ANKS6: variants seen among roughly 807,000 people sequenced by gnomAD.
ANKS6 encodes the protein ankyrin repeat and sterile alpha motif domain containing 6, also known as ankyrin repeat and SAM domain-containing protein 6.
ANKS6 carries 47 observed loss-of-function variants against 77.9 expected under a neutral mutation model. That is an observed-to-expected ratio of 0.60 (90% CI 0.48 to 0.77). The LOEUF is 0.77. Ranked by LOEUF, ANKS6 falls within the 30% of genes least tolerant of loss-of-function variation. ANKS6 has a pLI of 0.00. For synonymous variants in ANKS6, 488 were observed against 501.7 expected (o/e 0.97, Z 0.37); for missense variants, 1,150 against 1,159.1 (o/e 0.99, Z 0.11).
chr9:98,774,153 T>G, intron 8 of ANKS6, 73 bp from the exon 9 acceptor site: 1 of 1,305,898 alleles, frequency 7.7e-7, no homozygotes, highest in Non-Finnish European at 9.9e-7. Flanking sequence ...ACTCCATGTT[T>G]TTCCTGCTTC....
chr9:98,772,820 G>A (rs149677798), intron 9 of ANKS6, among the ~76,000 whole-genome samples: 6 of 152,226 alleles, frequency 3.9e-5, no homozygotes, highest in East Asian at 3.9e-4. Context: ...GAGGCCTCCC[G>A]AGTGCCCTAC....
chr9:98,784,305 A>G, intron 3 of ANKS6, 148 bp from the exon 4 acceptor site: 4 of 652,234 alleles, frequency 6.1e-6, no homozygotes, highest in Non-Finnish European at 9.8e-6. Context: ...AGAGGGCGTC[A>G]GAGATAGCCC....
intron 11 of ANKS6, among the ~76,000 whole-genome samples, chr9:98,762,093 A>G (rs1833046968): frequency 6.6e-6 from 1 of 152,166 alleles, no homozygotes; most frequent in Non-Finnish European, 1.5e-5. Flanking sequence ...CACACATATT[A>G]GATTTATACC....
In ANKS6 at chr9:98,773,923, T is replaced by C. The variant is rs377757331; in HGVS notation, c.1775A>G (p.Gln592Arg). 2.1e-5 allele frequency: 33 copies of C among 1,593,296 alleles called. No homozygotes were observed. In the African/African-American group the frequency reaches 3.1e-4, roughly 15 times the overall value. Residue 592 changes from glutamine (Q) to arginine (R), a missense_variant, in exon 9 of 15, where the codon CAG becomes CGG. Physicochemically the swap from Gln to Arg is conservative, Grantham distance 43 (BLOSUM62 1). Coordinates refer to ENST00000353234, the MANE Select transcript of ANKS6 (RefSeq NM_173551.5). ...CACGGGGTGGCCCCTGCTGGCTCTC[T>C]GGGGCAGCGCAGTCTTCATGGGGTC... ...KADPMKTALP[Q>R]RASRGHPVGG... is the part of the protein sequence containing the mutation.
Position 98,735,803 on chromosome 9 carries a change from T to C in ANKS6, c.*716A>G, listed in dbSNP as rs1321369408. ...GCAATAAAGAAAAATGCGTTTGACA[T>C]ACACATCTCCAATGTAAGCTGTATG... On this transcript the variant is annotated 3_prime_UTR_variant, in exon 15 of 15. Coordinates refer to ENST00000353234, the MANE Select transcript of ANKS6 (RefSeq NM_173551.5). 2 of 1,231,722 alleles carry C rather than the reference T, an allele frequency of 1.6e-6. No individual in the cohort carries two copies. The highest frequency in any genetic ancestry group is 6.3e-5 in the East Asian group (2 of 31,714). 76.3% of individuals were successfully genotyped at this position (1,231,722 alleles called of 1,614,324 possible).
intron 10 of ANKS6, 98 bp downstream of exon 10, chr9:98,770,798 T>C: frequency 1.6e-6 from 2 of 1,227,052 alleles, no homozygotes; most frequent in Non-Finnish European, 2.1e-6. Flanking sequence ...TGCGTGGTCA[T>C]TTCTGCGACT....
chr9:98,748,921 T>G (rs1274257262), intron 13 of ANKS6, among the ~76,000 whole-genome samples: 2 of 152,122 alleles, frequency 1.3e-5, no homozygotes, highest in Non-Finnish European at 2.9e-5. Flanking sequence ...TAACTATAAG[T>G]GCATTATTAA....
chr9:98,771,988 AG>A (rs1229350042), intron 9 of ANKS6, among the ~76,000 whole-genome samples: 1 of 152,176 alleles, frequency 6.6e-6, no homozygotes, highest in African/African-American at 2.4e-5. Context: ...CTATATGCCT[AG>A]TACCCAGCTC....
Position 98,773,901 on chromosome 9 carries a change from G to A in ANKS6, c.1797C>T (p.Pro599=), listed in dbSNP as rs538337345. ...ALPQRASRGH[P]VGGGGTDTTP... is the part of the protein sequence containing the mutation. ...CAGTGTCTGTGCCCCCGCCGCCCAC[G>A]GGGTGGCCCCTGCTGGCTCTCTGGG... Residue 599 remains proline (P), a synonymous_variant, in exon 9 of 15, where the codon CCC becomes CCT. Transcript: ENST00000353234. 27 of 1,577,704 alleles carry A rather than the reference G, an allele frequency of 1.7e-5. No homozygotes were observed. The highest frequency in any genetic ancestry group is 2.3e-5 in the South Asian group (2 of 87,072).
intron 13 of ANKS6, 144 bp from the exon 14 acceptor site, chr9:98,745,819 T>C (rs1832097790): frequency 1.5e-6 from 1 of 646,882 alleles, no homozygotes; most frequent in Non-Finnish European, 2.7e-6. Flanking sequence ...CCTGACTTTA[T>C]GTTTAGAGTT....
intron 10 of ANKS6, among the ~76,000 whole-genome samples, chr9:98,769,260 T>C (rs1833496273): frequency 6.6e-6 from 1 of 152,196 alleles, no homozygotes; most frequent in Non-Finnish European, 1.5e-5. Flanking sequence ...GCTGTAAGTA[T>C]TTCACATGTT....
Position 98,756,432 on chromosome 9 carries a change from T to C in ANKS6, c.2314A>G (p.Ile772Val), listed in dbSNP as rs1832708259. The change falls in exon 12 of 15, where the codon ATC becomes GTC. Residue 772 changes from isoleucine to valine, a missense_variant. By Grantham distance (29) the Ile-to-Val change is conservative. Transcript: ENST00000353234. ...TCAGGGGACTCACCCTCATCTGTGATGGTGCCACTGCTGGAGCCCCCACTG... is the reference window on the plus strand; with the variant it reads ...TCAGGGGACTCACCCTCATCTGTGACGGTGCCACTGCTGGAGCCCCCACTG... ...KSSGGSSSGTITDEDELTGIL... is the reference protein window; with the variant it reads ...KSSGGSSSGTVTDEDELTGIL... 3 of 1,613,316 alleles carry C rather than the reference T, an allele frequency of 1.9e-6. No homozygotes were observed. Among genetic ancestry groups the C allele is most frequent in the South Asian group, 2.2e-5 (2 of 91,056 alleles).
intron 2 of ANKS6, among the ~76,000 whole-genome samples, chr9:98,785,098 G>A (rs924122549): frequency 3.3e-5 from 5 of 152,138 alleles, no homozygotes; most frequent in Non-Finnish European, 5.9e-5. Context: ...AACAAAACAC[G>A]AATGAGCAGC....
In ANKS6 at chr9:98,768,252, T is replaced by C. The variant is rs1168931742; in HGVS notation, c.1973-2A>G. ...ACAAGACATTGTCTATGCTGCCACC[T>C]GAGGAAACACAAAATGAGTGAACAC... On this transcript the variant is annotated splice_acceptor_variant, in intron 10 of 14. Coordinates refer to ENST00000353234, the MANE Select transcript of ANKS6 (RefSeq NM_173551.5). LOFTEE classifies it high-confidence loss of function. The C allele has an allele frequency of 2.5e-6, 4 of 1,613,934 alleles. No homozygotes were observed. The highest frequency in any genetic ancestry group is 2.5e-6 in the Non-Finnish European group (3 of 1,180,026).
At position 98,756,455 on chromosome 9, in the gene ANKS6, C is replaced by T; in HGVS notation, c.2291G>A (p.Ser764Asn). The T allele has an allele frequency of 6.2e-7, 1 of 1,613,584 alleles. No homozygotes were observed. Among genetic ancestry groups the T allele is most frequent in the Non-Finnish European group, 8.5e-7 (1 of 1,179,704 alleles). ...GATGGTGCCACTGCTGGAGCCCCCA[C>T]TGCTCTTGGACTGCCGATGGGATGA... ...SSSSHRQSKS[S>N]GGSSSGTITD... is the part of the protein sequence containing the mutation. Residue 764 changes from serine (S) to asparagine (N), a missense_variant, in exon 12 of 15, where the codon AGT becomes AAT. Transcript: ENST00000353234.
rs539854295 is a variant in ANKS6 at position 98,757,161 on chromosome 9, C to T, written c.2143-558G>A. On this transcript the variant is annotated intron_variant, in intron 11 of 14. Coordinates refer to ENST00000353234, the MANE Select transcript of ANKS6 (RefSeq NM_173551.5). The stretch of plus-strand genomic sequence containing the variant: ...TTCCCACATACCCCTCACACAGCTT[C>T]CTGATATTAATATCTACATCGTCAC... Among the ~76,000 whole-genome samples, 3 of 152,328 alleles carry T rather than the reference C, an allele frequency of 2.0e-5. No individual in the cohort carries two copies. The South Asian group carries it at 6.2e-4, about 32-fold the overall frequency.
In ANKS6 at chr9:98,732,903, C is replaced by T. The variant is rs549657744; in HGVS notation, c.*3616G>A. ...CTAGAACTTACACATTACGTGCTGC[C>T]TTTGCACATGCCCCAGCTGGAATGC... is the stretch of plus-strand genomic sequence containing the variant. On this transcript the variant is annotated 3_prime_UTR_variant, in exon 15 of 15. Coordinates refer to ENST00000353234, the MANE Select transcript of ANKS6 (RefSeq NM_173551.5). The T allele has an allele frequency of 2.0e-5, 22 of 1,095,678 alleles. No homozygotes were observed. In the South Asian group the frequency reaches 5.9e-4, roughly 30 times the overall value. 67.9% of individuals were successfully genotyped at this position (1,095,678 alleles called of 1,614,324 possible).
At chr9:98,742,117 CT>C (rs1328962697) in intron 14 of ANKS6, among the ~76,000 whole-genome samples, 1 of 152,224 alleles carries the variant, frequency 6.6e-6, no homozygotes, top group Admixed American at 6.5e-5. Flanking sequence ...GCCTCCCCGT[CT>C]CATGTGTCCT....
chr9:98,794,428 G>A (rs1835069435), intron 1 of ANKS6, among the ~76,000 whole-genome samples: 1 of 152,192 alleles, frequency 6.6e-6, no homozygotes, highest in Non-Finnish European at 1.5e-5. Context: ...CGATGTGAGG[G>A]ACAGACACAC....
Sources: gnomAD v4.1 joint callset for allele counts (sites outside exome capture counted in the v4.1 genomes callset) on GRCh38, gnomAD v4.1.1 for gene constraint, MANE v1.5 for transcripts, NCBI Gene and HGNC (gene_info 2026-07-23, HGNC 2026-07-21) for gene names.